Variants in SLC10A2 observed in about 807,000 individuals in gnomAD.
The protein encoded by SLC10A2 is ileal sodium/bile acid cotransporter.
A neutral mutation model predicts 27.1 loss-of-function variants in SLC10A2; 34 were observed. The observed-to-expected ratio is 1.26, with a 90% CI of 0.96 to 1.67. SLC10A2 has a LOEUF of 1.67. Among genes scored for constraint, SLC10A2 ranks in the 40% most tolerant of loss-of-function variants. The pLI, the probability that SLC10A2 is intolerant of heterozygous loss-of-function variation, is 0.00. For synonymous variants in SLC10A2, 205 were observed against 174.0 expected (o/e 1.18, Z -1.40); for missense variants, 530 against 444.4 (o/e 1.19, Z -1.73).
intron 5 of SLC10A2, among the ~76,000 whole-genome samples, chr13:103,048,516 G>C (rs279939): frequency 0.24 from 37,124 of 151,952 alleles, 4,737 homozygotes; most frequent in African/African-American, 0.29. Context: ...CATTAGTTTT[G>C]TTGCGTGCCT....
At position 103,044,659 on chromosome 13, in the gene SLC10A2, A is replaced by G. The variant is rs200760809; in HGVS notation, c.*1474T>C. On this transcript the variant is annotated 3_prime_UTR_variant, in exon 6 of 6. Coordinates refer to ENST00000245312, the MANE Select transcript of SLC10A2 (RefSeq NM_000452.3). ...TCCTGTTCCCATAATGCTTGGGTGC[A>G]CCAGCAGAATCTGAACTCAGAACAT... 3.3e-5 allele frequency: 5 copies of G among 152,214 alleles called. No homozygotes were observed. Among genetic ancestry groups the G allele is most frequent in the African/African-American group, 4.8e-5 (2 of 41,458 alleles). 9.4% of individuals were successfully genotyped at this position (152,214 alleles called of 1,614,324 possible).
chr13:103,062,922 A>T (rs868236607), intron 1 of SLC10A2, among the ~76,000 whole-genome samples: 2 of 152,212 alleles, frequency 1.3e-5, no homozygotes, highest in Non-Finnish European at 2.9e-5. Context: ...ATTAAGAAGG[A>T]TGAAGACACC....
At chr13:103,056,207 A>G (rs1326523388) in intron 2 of SLC10A2, among the ~76,000 whole-genome samples, 8 of 152,222 alleles carry the variant, frequency 5.3e-5, no homozygotes, top group Middle Eastern at 3.2e-3. Flanking sequence ...TTTTGTCTGA[A>G]TGCTCATTTT....
chr13:103,061,824 A>G (rs1328942660), intron 1 of SLC10A2, among the ~76,000 whole-genome samples: 2 of 152,196 alleles, frequency 1.3e-5, no homozygotes, highest in Non-Finnish European at 2.9e-5. Flanking sequence ...TCAAAATGAG[A>G]TTTAAAACAA....
intron 2 of SLC10A2, among the ~76,000 whole-genome samples, chr13:103,052,925 T>A (rs1268988201): frequency 6.6e-6 from 1 of 152,210 alleles, no homozygotes; most frequent in Non-Finnish European, 1.5e-5. Context: ...TATTGGTAGA[T>A]AATTGATAAT....
At chr13:103,062,308 C>G (rs1045381998) in intron 1 of SLC10A2, among the ~76,000 whole-genome samples, 2 of 152,148 alleles carry the variant, frequency 1.3e-5, no homozygotes, top group Non-Finnish European at 2.9e-5. Flanking sequence ...CTGGGTGATT[C>G]CAATTCTGAC....
intron 1 of SLC10A2, 36 bp downstream of exon 1, chr13:103,065,837 G>A (rs202062207): frequency 5.0e-6 from 8 of 1,609,742 alleles, no homozygotes; most frequent in Non-Finnish European, 6.8e-6. Flanking sequence ...ATTACTCCAA[G>A]GTGATTGCAG....
intron 2 of SLC10A2, among the ~76,000 whole-genome samples, chr13:103,056,800 A>G (rs7323835): frequency 0.41 from 61,606 of 151,504 alleles, 12,758 homozygotes; most frequent in African/African-American, 0.49. Flanking sequence ...AGAATCTTGT[A>G]TATCAAAAGC....
rs527280681 is a variant in SLC10A2, at chr13:103,060,738, C to T, written c.378-2356G>A. Among the ~76,000 whole-genome samples, 36 of 152,168 alleles carry T rather than the reference C, an allele frequency of 2.4e-4. No individual in the cohort carries two copies. In the South Asian group the frequency reaches 5.4e-3, roughly 23 times the overall value. ...TATCTTGTGTTCCACCAAATAGAAT[C>T]GGGAAACTTAGAGAAATGAGAAATT... On this transcript the variant is annotated intron_variant, in intron 1 of 5. Transcript: ENST00000245312.
intron 5 of SLC10A2, among the ~76,000 whole-genome samples, chr13:103,046,618 G>C (rs558909428): frequency 1.8e-4 from 28 of 152,142 alleles, no homozygotes; most frequent in Non-Finnish European, 2.9e-4. Flanking sequence ...ATATACACAT[G>C]GTGCAGTGCA....
At chr13:103,051,869 C>T (rs541531737) in intron 3 of SLC10A2, among the ~76,000 whole-genome samples, 313 of 152,000 alleles carry the variant, frequency 2.1e-3, no homozygotes, top group Non-Finnish European at 3.7e-3. Context: ...ATGATTGTTA[C>T]GATAATGAGA....
chr13:103,060,185 A>G (rs180914426), intron 1 of SLC10A2, among the ~76,000 whole-genome samples: 169 of 152,274 alleles, frequency 1.1e-3, no homozygotes, highest in African/African-American at 3.9e-3. Context: ...CTCTGCCTTT[A>G]AAGCCTGAGC....
rs751707161 is a variant in SLC10A2, at chr13:103,051,399, G to A, written c.619C>T (p.Leu207Phe). ...AATATTCCTCCAACCACAGCTATGA[G>A]CACAATGAGGATGGCGCCCGCGATG... ...GSIAGAILIVLIAVVGGILYQ... is the reference protein window; with the variant it reads ...GSIAGAILIVFIAVVGGILYQ... Residue 207 changes from leucine (L) to phenylalanine (F), a missense_variant, in exon 4 of 6, where the codon CTC becomes TTC. Transcript: ENST00000245312. 1.2e-6 allele frequency: 2 copies of A among 1,613,976 alleles called. No individual in the cohort carries two copies. The highest frequency in any genetic ancestry group is 2.2e-5 in the East Asian group (1 of 44,872).
At chr13:103,060,470 GGCTCAA>G (rs1178108284) in intron 1 of SLC10A2, among the ~76,000 whole-genome samples, 1 of 150,686 alleles carries the variant, frequency 6.6e-6, no homozygotes, top group Non-Finnish European at 1.5e-5. Context: ...CTGAAGCCTG[GGCTCAA>G]GTGATCTTTG....
At chr13:103,049,186 T>G (rs1875694528) in intron 5 of SLC10A2, 103 bp downstream of exon 5, 2 of 1,246,916 alleles carry the variant, frequency 1.6e-6, no homozygotes, top group Admixed American at 1.7e-5. Context: ...CATATATTTG[T>G]ACAATTCACC....
At chr13:103,062,374 A>G (rs951983230) in intron 1 of SLC10A2, among the ~76,000 whole-genome samples, 2 of 152,238 alleles carry the variant, frequency 1.3e-5, no homozygotes, top group African/African-American at 4.8e-5. Flanking sequence ...TAACTTCATT[A>G]TCTGCCAAAT....
intron 1 of SLC10A2, among the ~76,000 whole-genome samples, chr13:103,059,399 GA>G (rs545416518): frequency 4.6e-5 from 7 of 151,992 alleles, no homozygotes; most frequent in Non-Finnish European, 8.8e-5. Flanking sequence ...CCGAATGGGA[GA>G]AAATTTTTAT....
chr13:103,056,134 C>A (rs930177899), intron 2 of SLC10A2, among the ~76,000 whole-genome samples: 2 of 152,334 alleles, frequency 1.3e-5, no homozygotes, highest in South Asian at 2.1e-4. Context: ...GTGCTGTCAC[C>A]ATTGTGCCAT....
chr13:103,049,731 G>A (rs1210575320), intron 4 of SLC10A2, among the ~76,000 whole-genome samples: 7 of 152,108 alleles, frequency 4.6e-5, no homozygotes, highest in African/African-American at 1.4e-4. Context: ...GTGGCCAAGA[G>A]GGTTCATTTC....
Sources: gnomAD v4.1 joint callset for allele counts (sites outside exome capture counted in the v4.1 genomes callset) on GRCh38, gnomAD v4.1.1 for gene constraint, MANE v1.5 for transcripts, NCBI Gene and HGNC (gene_info 2026-07-23, HGNC 2026-07-21) for gene names.